The following BCAS1 variants were observed in gnomAD, a reference collection of about 807,000 sequenced individuals.
The protein encoded by BCAS1 is breast carcinoma-amplified sequence 1.
Under a neutral mutation model 65.4 loss-of-function variants are expected in BCAS1, and 46 were observed. The ratio of observed to expected loss-of-function variants is 0.70; its 90% CI spans 0.55 to 0.90. BCAS1 has a LOEUF of 0.90. Among genes scored for constraint, BCAS1 ranks in the 40% least tolerant of loss-of-function variants. The pLI, the probability that BCAS1 is intolerant of heterozygous loss-of-function variation, is 0.00. For missense variants in BCAS1, 793 were observed against 771.2 expected (o/e 1.03, Z -0.33); for synonymous variants, 298 against 293.5 (o/e 1.02, Z -0.16).
intron 3 of BCAS1, among the ~76,000 whole-genome samples, chr20:54,029,829 T>C (rs1298324180): frequency 2.0e-5 from 3 of 152,216 alleles, no homozygotes; most frequent in Non-Finnish European, 4.4e-5. Flanking sequence ...CAGCAGAGTC[T>C]GGCTTCAGGC....
intron 12 of BCAS1, among the ~76,000 whole-genome samples, chr20:53,947,806 C>T (rs915887522): frequency 2.6e-5 from 4 of 152,176 alleles, no homozygotes; most frequent in Admixed American, 6.5e-5. Context: ...CATGGCACAG[C>T]GGTGCCCGAC....
chr20:53,969,875 G>A (rs1476575925), intron 9 of BCAS1, among the ~76,000 whole-genome samples: 1 of 152,104 alleles, frequency 6.6e-6, no homozygotes, highest in Non-Finnish European at 1.5e-5. Context: ...AATTTCATGG[G>A]TCAGAGCTAG....
chr20:54,065,201 T>A (rs2092424627), intron 1 of BCAS1, among the ~76,000 whole-genome samples: 1 of 152,128 alleles, frequency 6.6e-6, no homozygotes, highest in African/African-American at 2.4e-5. Flanking sequence ...ACACTATATA[T>A]ATAACATATT....
At chr20:54,011,730 C>T (rs912683880) in intron 4 of BCAS1, among the ~76,000 whole-genome samples, 4 of 152,232 alleles carry the variant, frequency 2.6e-5, no homozygotes, top group South Asian at 4.1e-4. Context: ...GCAGGCAGGG[C>T]GTGGTGGCAA....
intron 1 of BCAS1, among the ~76,000 whole-genome samples, chr20:54,066,933 T>A (rs2092451212): frequency 6.6e-6 from 1 of 152,250 alleles, no homozygotes; most frequent in Non-Finnish European, 1.5e-5. Flanking sequence ...TACTTTCTAC[T>A]GTCTCTTCTG....
chr20:53,992,488 C>G (rs1440918219), intron 7 of BCAS1, 24 bp downstream of exon 7: 6 of 1,363,532 alleles, frequency 4.4e-6, no homozygotes, highest in Non-Finnish European at 5.9e-6. Context: ...CTTGTTTTTC[C>G]TCCTACTTTA....
At chr20:54,017,238 A>T (rs2091457605) in intron 4 of BCAS1, among the ~76,000 whole-genome samples, 1 of 152,190 alleles carries the variant, frequency 6.6e-6, no homozygotes, top group Non-Finnish European at 1.5e-5. Flanking sequence ...TGTCAACTTG[A>T]GTTCCAATGG....
intron 5 of BCAS1, among the ~76,000 whole-genome samples, chr20:53,995,596 G>C (rs1351826216): frequency 6.6e-6 from 1 of 150,960 alleles, no homozygotes. Context: ...TTATTTTTAT[G>C]ATCAATGAAC....
chr20:53,946,946 G>C (rs1415219161), intron 12 of BCAS1, among the ~76,000 whole-genome samples: 1 of 151,920 alleles, frequency 6.6e-6, no homozygotes, highest in Admixed American at 6.6e-5. Flanking sequence ...AATAAATAGA[G>C]TGTAGTTTAG....
intron 12 of BCAS1, among the ~76,000 whole-genome samples, chr20:53,947,799 G>A (rs1211343857): frequency 6.6e-6 from 1 of 152,144 alleles, no homozygotes; most frequent in Admixed American, 6.5e-5. Context: ...AACTCCCCAT[G>A]GCACAGCGGT....
chr20:54,046,061 T>C (rs1048421873), intron 3 of BCAS1, among the ~76,000 whole-genome samples: 3 of 152,188 alleles, frequency 2.0e-5, no homozygotes, highest in Non-Finnish European at 2.9e-5. Context: ...GAAAATATGA[T>C]TGCATTTATT....
At chr20:53,971,772 C>T (rs1372178489) in intron 9 of BCAS1, among the ~76,000 whole-genome samples, 2 of 152,168 alleles carry the variant, frequency 1.3e-5, no homozygotes, top group Non-Finnish European at 2.9e-5. Flanking sequence ...TGAGAGATTA[C>T]TTATTAAGAG....
In BCAS1 at chr20:54,050,147, CTCTT is replaced by C. The variant is rs553701870; in HGVS notation, c.142+7934_142+7937del. On this transcript the variant is annotated intron_variant, in intron 3 of 12. Coordinates refer to ENST00000688948, the MANE Select transcript of BCAS1 (RefSeq NM_001366298.2). ...CAGTGTAGCATCTTTAAGCCTCTCT[CTCTT>C]TGTGACATCTGCTCCCATAATCACA... Among the ~76,000 whole-genome samples the C allele has an allele frequency of 4.6e-5, 7 of 152,302 alleles. No individual in the cohort carries two copies. The East Asian group carries it at 1.4e-3, about 29-fold the overall frequency.
intron 1 of BCAS1, among the ~76,000 whole-genome samples, chr20:54,068,938 G>T (rs536096608): frequency 6.6e-6 from 1 of 152,256 alleles, no homozygotes; most frequent in East Asian, 1.9e-4. Context: ...GGTAAAGCAG[G>T]CAGAATCCAT....
intron 12 of BCAS1, among the ~76,000 whole-genome samples, chr20:53,946,077 G>A (rs546191711): frequency 1.3e-5 from 2 of 152,100 alleles, no homozygotes; most frequent in African/African-American, 2.4e-5. Flanking sequence ...CCTAGCCTGA[G>A]TACTATTATT....
intron 10 of BCAS1, among the ~76,000 whole-genome samples, chr20:53,962,611 C>T (rs945141191): frequency 2.0e-5 from 3 of 152,122 alleles, no homozygotes; most frequent in Non-Finnish European, 4.4e-5. Flanking sequence ...TAAAAATACA[C>T]CAGCACTTCA....
chr20:54,022,700 G>GT (rs938286174), intron 4 of BCAS1, among the ~76,000 whole-genome samples: 49 of 152,148 alleles, frequency 3.2e-4, no homozygotes, highest in South Asian at 6.2e-4. Context: ...ACCTTGTTGG[G>GT]TTTTTTTAAC....
chr20:54,010,484 A>G (rs1052823718), intron 4 of BCAS1, among the ~76,000 whole-genome samples: 7 of 152,322 alleles, frequency 4.6e-5, no homozygotes, highest in Admixed American at 4.6e-4. Context: ...TAAAAATACA[A>G]TACCATAATA....
chr20:54,050,835 A>G (rs1426617743), intron 3 of BCAS1, among the ~76,000 whole-genome samples: 1 of 152,202 alleles, frequency 6.6e-6, no homozygotes, highest in East Asian at 1.9e-4. Flanking sequence ...TTGAAGAACA[A>G]ATGTTAACTA....
Sources: gnomAD v4.1 joint callset for allele counts (sites outside exome capture counted in the v4.1 genomes callset) on GRCh38, gnomAD v4.1.1 for gene constraint, MANE v1.5 for transcripts, NCBI Gene and HGNC (gene_info 2026-07-23, HGNC 2026-07-21) for gene names.